Variants in TTN observed in about 807,000 individuals in gnomAD.
TTN encodes the protein titin.
Under a neutral mutation model 3,223.0 loss-of-function variants are expected in TTN, and 1,525 were observed. The ratio of observed to expected loss-of-function variants is 0.47; its 90% CI spans 0.45 to 0.49. The LOEUF (loss-of-function observed/expected upper bound fraction) is 0.49, where lower values mean the gene tolerates loss of function less well. Among genes scored for constraint, TTN ranks in the 20% least tolerant of loss-of-function variants. The pLI is 0.00. For synonymous variants in TTN, 14,094 were observed against 15,161.0 expected, an observed-to-expected ratio of 0.93 and a Z score of 5.17; for missense variants, 40,786 against 43,424.0, an observed-to-expected ratio of 0.94 and a Z score of 5.40.
chr2:178,546,369 C>G lies in TTN; in HGVS notation c.94962G>C (p.Lys31654Asn). 6.2e-7 allele frequency: 1 copy of G among 1,613,774 alleles called. No homozygotes were observed. Reference sequence around the variant, plus strand: ...AGACTTTTTCACAGAGATCTAGCTCCTTGTCTCCTTTGGTCCAGATAATTT... The same window carrying G: ...AGACTTTTTCACAGAGATCTAGCTCGTTGTCTCCTTTGGTCCAGATAATTT... ...EPKIIWTKGD[K>N]ELDLCEKVSL... The change falls in exon 342 of 363, where the codon AAG (lysine) becomes AAC (asparagine). Residue 31654 changes from lysine (K) to asparagine (N), a missense_variant. By Grantham distance (94) the Lys-to-Asn change is moderately conservative (BLOSUM62 0). Transcript: ENST00000589042.
chr2:178,722,142 A>G lies in TTN; in HGVS notation c.22529-8T>C. 2 of 1,543,676 alleles carry G rather than the reference A, an allele frequency of 1.3e-6. No individual in the cohort carries two copies. The highest frequency in any genetic ancestry group is 1.3e-5 in the South Asian group (1 of 77,564). On this transcript the variant is annotated splice_polypyrimidine_tract_variant and splice_region_variant and intron_variant, in intron 77 of 362. Transcript: ENST00000589042. ...AGGGAGATTTCTTGGGTTCTGGAGG[A>G]TGAGAAGAAAGGCAATGTGTATTTT...
intron 361 of TTN, chr2:178,528,023 T>C: frequency 1.8e-6 from 1 of 549,840 alleles, no homozygotes; most frequent in Admixed American, 3.5e-5. Context: ...AGAAAGTAAT[T>C]GACATATTGT....
rs10580462 is a variant in TTN, at chr2:178,647,040, GTATATA to G, written c.40222+18_40222+23del. 791 of 729,418 alleles carry G rather than the reference GTATATA, an allele frequency of 1.1e-3. 1 individual carries two copies. Among genetic ancestry groups the G allele is most frequent in the East Asian group, 1.4e-3 (34 of 24,074 alleles). The allele number at this position is 729,418 out of a possible 1,614,324, so 45.2% of individuals were successfully genotyped here. On this transcript the variant is annotated intron_variant, in intron 215 of 362. Coordinates refer to ENST00000589042, the MANE Select transcript of TTN (RefSeq NM_001267550.2). ...GGAATCTTCAGGAGATTAAAAAAAT[GTATATA>G]TATATATATATATATACCTTCAACA...
intron 91 of TTN, 42 bp from the exon 92 acceptor site, chr2:178,714,217 T>C (rs753486589): frequency 6.3e-6 from 10 of 1,590,338 alleles, no homozygotes; most frequent in Middle Eastern, 1.7e-4. Flanking sequence ...TAAACTCAAA[T>C]TGAAAAACTA....
intron 297 of TTN, 27 bp downstream of exon 297, chr2:178,593,934 C>G: frequency 6.2e-7 from 1 of 1,610,920 alleles, no homozygotes; most frequent in Non-Finnish European, 8.5e-7. Context: ...AACAGAAGAT[C>G]TATTCTTTCC....
rs191512427 is a variant in TTN at position 178,554,145 on chromosome 2, T to G, written c.88966A>C (p.Arg29656=). The G allele has an allele frequency of 5.6e-6, 9 of 1,613,736 alleles. No homozygotes were observed. In the East Asian group the frequency reaches 1.8e-4, roughly 32 times the overall value. The change falls in exon 333 of 363, where the codon AGG becomes CGG. Residue 29656 remains arginine, a synonymous_variant. Coordinates refer to ENST00000589042, the MANE Select transcript of TTN (RefSeq NM_001267550.2). ...TKNSMTVVWS[R]PIADGGSDIS... is the part of the protein sequence containing the mutation. ...TCACTACCGCCATCTGCAATTGGCC[T>G]GCTCCATACAACAGTCATCGAATTC...
chr2:178,778,116 G>A, intron 24 of TTN, 141 bp from the exon 25 acceptor site: 1 of 1,032,008 alleles, frequency 9.7e-7, no homozygotes, highest in Non-Finnish European at 1.4e-6. Flanking sequence ...AACTCATTCA[G>A]ATCTAAAATA....
rs2092503633 is a variant in TTN at position 178,778,867 on chromosome 2, G to A, written c.4208+7C>T. 1.2e-6 allele frequency: 2 copies of A among 1,613,768 alleles called. No individual in the cohort carries two copies. The highest frequency in any genetic ancestry group is 2.2e-5 in the South Asian group (2 of 91,072). ...TACTAAATAACCCAAATTATTACAA[G>A]TCTTACCTGATTCTGCTCACTGGCT... On this transcript the variant is annotated splice_region_variant and intron_variant, in intron 24 of 362. Transcript: ENST00000589042.
Position 178,575,470 on chromosome 2 carries a change from A to G in TTN, c.70662T>C (p.Pro23554=). ...ITKSTVSLAW[P]KPKHDGGSKI... is the part of the protein sequence containing the mutation. ...TGCTGCCACCATCGTGTTTGGGCTTAGGCCATGCCAGGCTGACGGTGCTCT... is the reference window on the plus strand; with the variant it reads ...TGCTGCCACCATCGTGTTTGGGCTTGGGCCATGCCAGGCTGACGGTGCTCT... Residue 23554 remains proline (P), a synonymous_variant, in exon 326 of 363, where the codon CCT becomes CCC. Coordinates refer to ENST00000589042, the MANE Select transcript of TTN (RefSeq NM_001267550.2). The surrounding 1 kb of genome is among the most constrained non-coding windows in gnomAD (Gnocchi z 4.0). The G allele has an allele frequency of 6.2e-7, 1 of 1,613,576 alleles. No homozygotes were observed. Among genetic ancestry groups the G allele is most frequent in the Non-Finnish European group, 8.5e-7 (1 of 1,179,666 alleles).
intron 218 of TTN, among the ~76,000 whole-genome samples, chr2:178,642,574 G>A (rs1035495657): frequency 6.6e-6 from 1 of 152,000 alleles, no homozygotes; most frequent in African/African-American, 2.4e-5. Context: ...TGTAGAGGAT[G>A]TTGCTCCATA....
chr2:178,526,958 G>A lies in TTN; in HGVS notation c.*54C>T. On this transcript the variant is annotated 3_prime_UTR_variant, in exon 363 of 363. Coordinates refer to ENST00000589042, the MANE Select transcript of TTN (RefSeq NM_001267550.2). ...ACAGTTCAGAAAGATTAGTCCGTGT[G>A]AAACGTTTGCGAAAAGTTAAGAATG... 2.1e-6 allele frequency: 3 copies of A among 1,451,088 alleles called. No homozygotes were observed. Among genetic ancestry groups the A allele is most frequent in the Non-Finnish European group, 2.8e-6 (3 of 1,084,452 alleles). 89.9% of individuals were successfully genotyped at this position (1,451,088 alleles called of 1,614,324 possible). A position where few individuals can be genotyped will look rare whatever the true frequency, so the allele number is the denominator to read the frequency against.
At chr2:178,586,428 G>A (rs1053710691) in intron 308 of TTN, 77 bp downstream of exon 308, 3 of 1,534,800 alleles carry the variant, frequency 2.0e-6, no homozygotes, top group Admixed American at 2.0e-5. Context: ...AGATTCCTCA[G>A]GGAGAAATGT....
At chr2:178,671,247 T>G in intron 155 of TTN, 77 bp from the exon 156 acceptor site, 1 of 980,444 alleles carries the variant, frequency 1.0e-6, no homozygotes, top group Non-Finnish European at 1.5e-6. Context: ...GTTAGTACAA[T>G]GAGGGGTCAC....
chr2:178,787,054 T>C (rs888240853), intron 13 of TTN, among the ~76,000 whole-genome samples: 1 of 152,166 alleles, frequency 6.6e-6, no homozygotes, highest in Admixed American at 6.5e-5. Context: ...CACATAGCCA[T>C]GTTCATTTTA....
chr2:178,717,136 A>T lies in TTN; in HGVS notation c.25598T>A (p.Ile8533Asn). Residue 8533 changes from isoleucine (I) to asparagine (N), a missense_variant, in exon 88 of 363, where the codon ATC (isoleucine) becomes AAC (asparagine). Physicochemically the swap from Ile to Asn is moderately radical, Grantham distance 149. Transcript: ENST00000589042. ...AGQYTCYASN[I>N]AGKDSCSAQL... ...AGCAGAACAAGAGTCTTTTCCAGCG[A>T]TGTTGCTTGCATAGCAGGTGTACTG... 6.2e-7 allele frequency: 1 copy of T among 1,613,472 alleles called. No individual in the cohort carries two copies. Among genetic ancestry groups the T allele is most frequent in the Non-Finnish European group, 8.5e-7 (1 of 1,179,542 alleles).
At chr2:178,726,900 C>A in intron 69 of TTN, 190 bp downstream of exon 69, 2 of 461,190 alleles carry the variant, frequency 4.3e-6, no homozygotes, top group Non-Finnish European at 7.0e-6. Context: ...AAAAATATTT[C>A]ATAATGACTA....
At chr2:178,551,316 C>A in intron 335 of TTN, 56 bp from the exon 336 acceptor site, 1 of 1,434,774 alleles carries the variant, frequency 7.0e-7, no homozygotes, top group Admixed American at 2.3e-5. Flanking sequence ...AGGTCTTAAT[C>A]ATCCATGGAA....
In TTN at chr2:178,727,365, G is replaced by C; in HGVS notation, c.20000C>G (p.Pro6667Arg). ...CTTMLLVTEPPKFVKKLEASK... is the reference protein window; with the variant it reads ...CTTMLLVTEPRKFVKKLEASK... ...GGCTTCTAATTTCTTTACAAACTTTGGTGGTTCTAAAGAGTCAGGAAAGAG... is the reference window on the plus strand; with the variant it reads ...GGCTTCTAATTTCTTTACAAACTTTCGTGGTTCTAAAGAGTCAGGAAAGAG... The change falls in exon 69 of 363, where the codon CCA (proline) becomes CGA (arginine). Residue 6667 changes from proline (P) to arginine (R), a missense_variant. Physicochemically the swap from Pro to Arg is moderately radical, Grantham distance 103. Coordinates refer to ENST00000589042, the MANE Select transcript of TTN (RefSeq NM_001267550.2). 6.3e-7 allele frequency: 1 copy of C among 1,592,356 alleles called. No individual in the cohort carries two copies. Among genetic ancestry groups the C allele is most frequent in the Non-Finnish European group, 8.5e-7 (1 of 1,169,648 alleles).
chr2:178,750,946 T>C (rs773823298), intron 47 of TTN: 3 of 1,612,932 alleles, frequency 1.9e-6, no homozygotes, highest in African/African-American at 2.7e-5. Flanking sequence ...GGTCTTTTGG[T>C]AGACTTTCCT....
Sources: gnomAD v4.1 joint callset for allele counts (sites outside exome capture counted in the v4.1 genomes callset) on GRCh38, gnomAD v4.1.1 for gene constraint, Gnocchi (gnomAD v3.1) non-coding constraint, MANE v1.5 for transcripts, NCBI Gene and HGNC (gene_info 2026-07-23, HGNC 2026-07-21) for gene names.